Variants in MTMR11 observed in about 807,000 individuals in gnomAD.
MTMR11 encodes myotubularin related protein 11, also known as myotubularin-related protein 11.
Under a neutral mutation model 100.0 loss-of-function variants are expected in MTMR11, and 89 were observed. The observed-to-expected ratio is 0.89, with a 90% CI of 0.75 to 1.06. The LOEUF (loss-of-function observed/expected upper bound fraction) is 1.06, where lower values mean the gene tolerates loss of function less well. MTMR11 is among the 50% of genes least tolerant of loss of function. The probability of loss-of-function intolerance (pLI) is 0.00; values close to 1 mark genes in which losing one functional copy is unlikely to be tolerated. For synonymous variants in MTMR11, 336 were observed against 326.3 expected (o/e 1.03, Z -0.32); for missense variants, 809 against 873.7 (o/e 0.93, Z 0.93).
At position 149,936,693 on chromosome 1, in the gene MTMR11, T is replaced by G. The variant is rs2092727042; in HGVS notation, c.-46A>C. On this transcript the variant is annotated 5_prime_UTR_variant, in exon 1 of 17. Transcript: ENST00000439741. ...ACACAGCAGTTAAGGGTGGGAAACCTCAAGGATGCTCACCCACCTCGGGGA... is the reference window on the plus strand; with the variant it reads ...ACACAGCAGTTAAGGGTGGGAAACCGCAAGGATGCTCACCCACCTCGGGGA... 3 of 1,277,890 alleles carry G rather than the reference T, an allele frequency of 2.3e-6. No individual in the cohort carries two copies. In the East Asian group the frequency reaches 7.6e-5, roughly 32 times the overall value. The allele number at this position is 1,277,890 out of a possible 1,614,324, so 79.2% of individuals were successfully genotyped here. A position where few individuals can be genotyped will look rare whatever the true frequency, so the allele number is the denominator to read the frequency against.
chr1:149,932,160 A>G (rs1571545122), intron 11 of MTMR11, 104 bp downstream of exon 11: 1 of 1,420,628 alleles, frequency 7.0e-7, no homozygotes, highest in East Asian at 2.3e-5. Context: ...TCTTCTTGGG[A>G]AACCGAGGAG....
chr1:149,933,462 G>A lies in MTMR11; in HGVS notation c.929C>T (p.Pro310Leu), dbSNP rs1553768132. 1 of 1,614,064 alleles carries A rather than the reference G, an allele frequency of 6.2e-7. No individual in the cohort carries two copies. The highest frequency in any genetic ancestry group is 1.7e-5 in the Admixed American group (1 of 60,002). ...GGCAAGTTGGACATCTGCAAGGCTG[G>A]GCAGCTCATCCATAGTGTCTACCAG... Reference protein sequence around the residue: ...VVLVDTMDELPSLADVQLAHL... With the variant: ...VVLVDTMDELLSLADVQLAHL... The change falls in exon 10 of 17, where the codon CCC becomes CTC. Residue 310 changes from proline (P) to leucine (L), a missense_variant. Pro to Leu is a moderately conservative substitution (Grantham distance 98). Coordinates refer to ENST00000439741, the MANE Select transcript of MTMR11 (RefSeq NM_001145862.2).
chr1:149,933,894 G>T lies in MTMR11; in HGVS notation c.732C>A (p.Val244=). ...GATGAAAGTGGCCAAATGCTCTCCT[G>T]ACCTCACTGTCCAGAATTCGGTTAG... ...WVPNRILDSE[V]RRAFGHFHQG... Residue 244 remains valine, a synonymous_variant, in exon 8 of 17, where the codon GTC becomes GTA. Coordinates refer to ENST00000439741, the MANE Select transcript of MTMR11 (RefSeq NM_001145862.2). 1 of 1,614,226 alleles carries T rather than the reference G, an allele frequency of 6.2e-7. No homozygotes were observed. Among genetic ancestry groups the T allele is most frequent in the Non-Finnish European group, 8.5e-7 (1 of 1,180,034 alleles).
intron 15 of MTMR11, 82 bp downstream of exon 15, chr1:149,930,283 C>T: frequency 7.2e-7 from 1 of 1,390,698 alleles, no homozygotes; most frequent in Non-Finnish European, 9.9e-7. Context: ...GAACTCAAGA[C>T]ATTTTGTCTT....
intron 10 of MTMR11, among the ~76,000 whole-genome samples, chr1:149,932,917 C>T (rs1485876425): frequency 6.0e-5 from 9 of 150,500 alleles, no homozygotes; most frequent in African/African-American, 2.2e-4. Context: ...CGCCACTGCA[C>T]TCCAGCCTGG....
intron 6 of MTMR11, 59 bp from the exon 7 acceptor site, chr1:149,934,385 C>G: frequency 6.2e-7 from 1 of 1,613,618 alleles, no homozygotes; most frequent in Non-Finnish European, 8.5e-7. Context: ...CTTCTCAGCT[C>G]TTTGTCATCA....
chr1:149,928,740 T>C lies in MTMR11; in HGVS notation c.*389A>G. 1.1e-6 allele frequency: 1 copy of C among 926,900 alleles called. No homozygotes were observed. The highest frequency in any genetic ancestry group is 1.7e-6 in the Non-Finnish European group (1 of 583,914). The allele number at this position is 926,900 out of a possible 1,614,324, so 57.4% of individuals were successfully genotyped here. ...AGATAGGGTGTTTCCTGTATCCGCCTCATTCCCATAGAAAACTATAAGGGA... is the reference window on the plus strand; with the variant it reads ...AGATAGGGTGTTTCCTGTATCCGCCCCATTCCCATAGAAAACTATAAGGGA... On this transcript the variant is annotated 3_prime_UTR_variant, in exon 17 of 17. Transcript: ENST00000439741.
Position 149,929,109 on chromosome 1 carries a change from A to T in MTMR11, c.*20T>A, listed in dbSNP as rs782732796. ...GTGCAGATACAAAAAAAAAAAAAAA[A>T]GATTAGACAGAACCCTCCTCTACCC... On this transcript the variant is annotated 3_prime_UTR_variant, in exon 17 of 17. Coordinates refer to ENST00000439741, the MANE Select transcript of MTMR11 (RefSeq NM_001145862.2). 4 of 1,568,920 alleles carry T rather than the reference A, an allele frequency of 2.5e-6. No homozygotes were observed. The highest frequency in any genetic ancestry group is 3.4e-4 in the Middle Eastern group (2 of 5,804).
chr1:149,930,234 T>C, intron 15 of MTMR11, 131 bp downstream of exon 15: 1 of 985,332 alleles, frequency 1.0e-6, no homozygotes, highest in Non-Finnish European at 1.5e-6. Context: ...GGACTATAAG[T>C]GACAGCTGCA....
At chr1:149,930,587 TCCTC>T in intron 14 of MTMR11, 40 bp from the exon 15 acceptor site, 1 of 1,533,828 alleles carries the variant, frequency 6.5e-7, no homozygotes, top group Non-Finnish European at 8.9e-7. Context: ...TTACACACAA[TCCTC>T]CCACATCTAG....
chr1:149,932,243 C>T, intron 11 of MTMR11, 21 bp downstream of exon 11: 1 of 1,610,666 alleles, frequency 6.2e-7, no homozygotes, highest in East Asian at 2.2e-5. Context: ...TAAATGATGG[C>T]TAGAAGAAGC....
chr1:149,929,888 C>T lies in MTMR11; in HGVS notation c.1676G>A (p.Ser559Asn). Reference sequence around the variant, plus strand: ...TCCTCTAGAGAAGAGCCACACAGAACTGGGGGGTCCAGGAACCATGAAGCT... The same window carrying T: ...TCCTCTAGAGAAGAGCCACACAGAATTGGGGGGTCCAGGAACCATGAAGCT... ...QPSFMVPGPP[S>N]SVWLFSRGAL... The change falls in exon 16 of 17, where the codon AGT (serine) becomes AAT (asparagine). Residue 559 changes from serine (S) to asparagine (N), a missense_variant. Coordinates refer to ENST00000439741, the MANE Select transcript of MTMR11 (RefSeq NM_001145862.2). 1 of 1,613,424 alleles carries T rather than the reference C, an allele frequency of 6.2e-7. No individual in the cohort carries two copies. The highest frequency in any genetic ancestry group is 8.5e-7 in the Non-Finnish European group (1 of 1,179,524).
chr1:149,934,871 G>C, intron 5 of MTMR11, 115 bp downstream of exon 5: 1 of 1,296,930 alleles, frequency 7.7e-7, no homozygotes, highest in Middle Eastern at 2.8e-4. Context: ...TTCCTTGAGA[G>C]AAGCAGGGGG....
In MTMR11 at chr1:149,930,841, A is replaced by G. The variant is rs2092648991; in HGVS notation, c.1415T>C (p.Leu472Pro). 3 of 1,608,576 alleles carry G rather than the reference A, an allele frequency of 1.9e-6. No homozygotes were observed. The highest frequency in any genetic ancestry group is 1.7e-6 in the Non-Finnish European group (2 of 1,178,116). ...CCAGGGGGTATTTCTCAGGAAGGTA[A>G]GGGTGTCAGGAACCCTGACACTGTC... is the stretch of plus-strand genomic sequence containing the variant. ...LHDSVRVPDT[L>P]TFLRNTPWER... The change falls in exon 14 of 17, where the codon CTT (leucine) becomes CCT (proline). Residue 472 changes from leucine (L) to proline (P), a missense_variant. Coordinates refer to ENST00000439741, the MANE Select transcript of MTMR11 (RefSeq NM_001145862.2).
In MTMR11 at chr1:149,934,220, C is replaced by T. The variant is rs112903097; in HGVS notation, c.654G>A (p.Thr218=). The change falls in exon 7 of 17, where the codon ACG becomes ACA. Residue 218 remains threonine, a synonymous_variant. Coordinates refer to ENST00000439741, the MANE Select transcript of MTMR11 (RefSeq NM_001145862.2). ...KQAARGWRVS[T]VNERFDVATS... is the part of the protein sequence containing the mutation. ...TGGCTACGTCGAACCTCTCGTTGAC[C>T]GTGCTGACCCTCCAGCCTCTGGCTG... 1.9e-4 allele frequency: 308 copies of T among 1,614,124 alleles called. No homozygotes were observed. The African/African-American group carries it at 3.7e-3, about 19-fold the overall frequency.
chr1:149,929,816 G>A lies in MTMR11; in HGVS notation c.1748C>T (p.Ser583Phe). The A allele has an allele frequency of 6.2e-7, 1 of 1,614,198 alleles. No individual in the cohort carries two copies. Among genetic ancestry groups the A allele is most frequent in the Non-Finnish European group, 8.5e-7 (1 of 1,180,040 alleles). ...NQLCPWRDSP[S>F]LLAVSSRWLP... ...CCAACGAGAAGAGACTGCCAGCAGG[G>A]AAGGACTGTCCCGCCAAGGACAGAG... The change falls in exon 16 of 17, where the codon TCC (serine) becomes TTC (phenylalanine). Residue 583 changes from serine (S) to phenylalanine (F), a missense_variant. Transcript: ENST00000439741.
At chr1:149,929,941 G>A (rs1553767110) in intron 15 of MTMR11, 25 bp from the exon 16 acceptor site, 1 of 1,596,190 alleles carries the variant, frequency 6.3e-7, no homozygotes, top group Non-Finnish European at 8.5e-7. Context: ...AAATCAACTG[G>A]CAACAGAGAG....
Position 149,936,760 on chromosome 1 carries a change from G to A in MTMR11, c.-113C>T. 1.4e-6 allele frequency: 1 copy of A among 738,208 alleles called. No individual in the cohort carries two copies. Among genetic ancestry groups the A allele is most frequent in the Non-Finnish European group, 2.4e-6 (1 of 425,098 alleles). 45.7% of individuals were successfully genotyped at this position (738,208 alleles called of 1,614,324 possible). On this transcript the variant is annotated 5_prime_UTR_variant, in exon 1 of 17. Transcript: ENST00000439741. Reference sequence around the variant, plus strand: ...GAGAAGAGGGGTGTTAGGGAGAGGGGTAGGGGGTTGGACACAAGGGAAAGG... The same window carrying A: ...GAGAAGAGGGGTGTTAGGGAGAGGGATAGGGGGTTGGACACAAGGGAAAGG...
chr1:149,929,393 G>T, intron 16 of MTMR11, 76 bp from the exon 17 acceptor site: 1 of 1,388,114 alleles, frequency 7.2e-7, no homozygotes, highest in Non-Finnish European at 1.0e-6. Context: ...TACTTCTGGT[G>T]TCTTTAATTC....
Sources: gnomAD v4.1 joint callset for allele counts (sites outside exome capture counted in the v4.1 genomes callset) on GRCh38, gnomAD v4.1.1 for gene constraint, MANE v1.5 for transcripts, NCBI Gene and HGNC (gene_info 2026-07-23, HGNC 2026-07-21) for gene names.